KIF6: variants seen among roughly 807,000 people sequenced by gnomAD.
KIF6 encodes the protein kinesin-like protein KIF6.
Under a neutral mutation model 112.7 loss-of-function variants are expected in KIF6, and 106 were observed. That is an observed-to-expected ratio of 0.94 (90% confidence interval 0.80 to 1.11). The LOEUF is 1.11. KIF6 is among the 50% of genes least tolerant of loss of function. The probability of loss-of-function intolerance (pLI) is 0.00; values close to 1 mark genes in which losing one functional copy is unlikely to be tolerated. For missense variants in KIF6, 929 were observed against 964.0 expected (o/e 0.96, Z 0.48); for synonymous variants, 339 against 339.9 (o/e 1.00, Z 0.03).
intron 13 of KIF6, among the ~76,000 whole-genome samples, chr6:39,457,171 T>G (rs1455813099): frequency 6.6e-6 from 1 of 151,644 alleles, no homozygotes; most frequent in Non-Finnish European, 1.5e-5. Context: ...ACAAACTATC[T>G]CTCAGACCAC....
intron 16 of KIF6, among the ~76,000 whole-genome samples, chr6:39,375,000 G>GGA (rs1766316456): frequency 6.6e-6 from 1 of 152,160 alleles, no homozygotes; most frequent in Non-Finnish European, 1.5e-5. Context: ...ATAAAATGTG[G>GGA]TATATATACA....
At chr6:39,663,159 G>A (rs1350149820) in intron 3 of KIF6, among the ~76,000 whole-genome samples, 3 of 152,184 alleles carry the variant, frequency 2.0e-5, no homozygotes, top group Admixed American at 2.0e-4. Flanking sequence ...CTCCCAAAGT[G>A]TGCCTGGTGG....
chr6:39,451,550 A>C (rs1371336401), intron 13 of KIF6, among the ~76,000 whole-genome samples: 1 of 152,178 alleles, frequency 6.6e-6, no homozygotes, highest in Non-Finnish European at 1.5e-5. Context: ...AAAATTACTT[A>C]ATTCCTCTGC....
chr6:39,366,959 C>T (rs561776632), intron 16 of KIF6, among the ~76,000 whole-genome samples: 5 of 150,978 alleles, frequency 3.3e-5, no homozygotes, highest in Non-Finnish European at 7.4e-5. Flanking sequence ...GTGGAGGTGG[C>T]GCCAGGAAGC....
intron 13 of KIF6, among the ~76,000 whole-genome samples, chr6:39,521,436 C>T (rs895412793): frequency 6.6e-6 from 1 of 151,958 alleles, no homozygotes; most frequent in Non-Finnish European, 1.5e-5. Context: ...TAGGAATGAC[C>T]CATATCTATG....
chr6:39,427,554 T>G (rs1329653630), intron 14 of KIF6, among the ~76,000 whole-genome samples: 2 of 152,202 alleles, frequency 1.3e-5, no homozygotes, highest in African/African-American at 2.4e-5. Context: ...ATGGTTAGTA[T>G]TACAGGAACA....
intron 16 of KIF6, among the ~76,000 whole-genome samples, chr6:39,367,524 C>A (rs1235901058): frequency 6.6e-6 from 1 of 152,202 alleles, no homozygotes; most frequent in Non-Finnish European, 1.5e-5. Context: ...GGCTGTAGGT[C>A]TGAATGGCAC....
chr6:39,345,903 A>G (rs1340144879), intron 20 of KIF6, 114 bp from the exon 21 acceptor site: 3 of 710,148 alleles, frequency 4.2e-6, no homozygotes, highest in Admixed American at 2.3e-5. Context: ...CAAAATCCCT[A>G]TGTGGACACC....
chr6:39,475,279 T>G (rs1029288529), intron 13 of KIF6, among the ~76,000 whole-genome samples: 5 of 152,210 alleles, frequency 3.3e-5, no homozygotes, highest in African/African-American at 1.2e-4. Flanking sequence ...TGAACACAGA[T>G]GTATTAAATC....
chr6:39,596,042 T>G lies in KIF6; in HGVS notation c.846+12A>C. ...CTATAGTTATTAATACATCCCACTC[T>G]GCCCATTTTACCTGTTCTAAGTAAT... On this transcript the variant is annotated intron_variant, in intron 7 of 22. Transcript: ENST00000287152. The G allele has an allele frequency of 6.2e-7, 1 of 1,605,316 alleles. No homozygotes were observed. The highest frequency in any genetic ancestry group is 8.5e-7 in the Non-Finnish European group (1 of 1,172,106).
chr6:39,642,334 T>G (rs1456764011), intron 3 of KIF6, among the ~76,000 whole-genome samples: 1 of 152,124 alleles, frequency 6.6e-6, no homozygotes, highest in African/African-American at 2.4e-5. Context: ...ACCATGAGCT[T>G]TGTGGTATTT....
chr6:39,481,220 G>C (rs1264401437), intron 13 of KIF6, among the ~76,000 whole-genome samples: 3 of 152,130 alleles, frequency 2.0e-5, no homozygotes, highest in African/African-American at 7.2e-5. Flanking sequence ...TATACACAAG[G>C]AAATAATGAA....
intron 10 of KIF6, among the ~76,000 whole-genome samples, chr6:39,577,412 G>T (rs1279573665): frequency 6.6e-6 from 1 of 152,136 alleles, no homozygotes; most frequent in Non-Finnish European, 1.5e-5. Flanking sequence ...TCAAAGCCTG[G>T]CCCATTCTTA....
chr6:39,344,436 C>T (rs921954921), intron 21 of KIF6, among the ~76,000 whole-genome samples: 47 of 152,144 alleles, frequency 3.1e-4, no homozygotes, highest in African/African-American at 1.1e-3. Context: ...AAACTCTGTC[C>T]CATGACCTAC....
chr6:39,575,886 C>G (rs745564856), intron 10 of KIF6, among the ~76,000 whole-genome samples: 1 of 152,202 alleles, frequency 6.6e-6, no homozygotes, highest in Admixed American at 6.5e-5. Flanking sequence ...AGTCCCACCT[C>G]TCGGTCCCTC....
In KIF6 at chr6:39,342,801, G is replaced by A. The variant is rs910296532; in HGVS notation, c.2428+908C>T. The A allele has an allele frequency of 2.7e-5, 27 of 985,116 alleles. No individual in the cohort carries two copies. Among genetic ancestry groups the A allele is most frequent in the South Asian group, 1.4e-4 (3 of 21,284 alleles). The allele number at this position is 985,116 out of a possible 1,614,324, so 61.0% of individuals were successfully genotyped here. A position where few individuals can be genotyped will look rare whatever the true frequency, so the allele number is the denominator to read the frequency against. On this transcript the variant is annotated intron_variant, in intron 22 of 22. Transcript: ENST00000287152. This position sits in a 1 kb window ranked among gnomAD's most constrained non-coding sequence, Gnocchi z 4.7. The stretch of plus-strand genomic sequence containing the variant: ...GCAAGGCGAGTACAGGACCAAGGCC[G>A]GCTCTCAGTTGCGGCGCTCCATCCA...
intron 6 of KIF6, among the ~76,000 whole-genome samples, chr6:39,597,367 T>G (rs548976196): frequency 6.6e-6 from 1 of 152,314 alleles, no homozygotes; most frequent in Non-Finnish European, 1.5e-5. Context: ...GGGACTTTCC[T>G]GCCATTTATC....
intron 13 of KIF6, among the ~76,000 whole-genome samples, chr6:39,529,503 C>T (rs1363891100): frequency 6.6e-6 from 1 of 152,088 alleles, no homozygotes; most frequent in Non-Finnish European, 1.5e-5. Context: ...AATGGGTGAC[C>T]TGGCCAGGCG....
In KIF6 at chr6:39,342,808, A is replaced by T; in HGVS notation, c.2428+901T>A. 1.0e-6 allele frequency: 1 copy of T among 985,284 alleles called. No homozygotes were observed. Among genetic ancestry groups the T allele is most frequent in the Non-Finnish European group, 1.2e-6 (1 of 829,904 alleles). 61.0% of individuals were successfully genotyped at this position (985,284 alleles called of 1,614,324 possible). ...GAGTACAGGACCAAGGCCGGCTCTC[A>T]GTTGCGGCGCTCCATCCATGCACAA... On this transcript the variant is annotated intron_variant, in intron 22 of 22. Coordinates refer to ENST00000287152, the MANE Select transcript of KIF6 (RefSeq NM_145027.6). The surrounding 1 kb of genome is among the most constrained non-coding windows in gnomAD (Gnocchi z 4.7).
Sources: gnomAD v4.1 joint callset for allele counts (sites outside exome capture counted in the v4.1 genomes callset) on GRCh38, gnomAD v4.1.1 for gene constraint, Gnocchi (gnomAD v3.1) non-coding constraint, MANE v1.5 for transcripts, NCBI Gene and HGNC (gene_info 2026-07-23, HGNC 2026-07-21) for gene names.